Variants in ARIH2 observed in about 807,000 individuals in gnomAD.
ARIH2 encodes the protein ariadne RBR E3 ubiquitin protein ligase 2.
A neutral mutation model predicts 79.8 loss-of-function variants in ARIH2; 12 were observed. The observed-to-expected ratio is 0.15, with a 90% confidence interval of 0.10 to 0.24. The LOEUF is 0.24. Ranked by LOEUF, ARIH2 falls within the 10% of genes least tolerant of loss-of-function variation. The pLI is 1.00. For missense variants in ARIH2, 301 were observed against 618.3 expected, an observed-to-expected ratio of 0.49 and a Z score of 5.44; for synonymous variants, 224 against 213.9, an observed-to-expected ratio of 1.05 and a Z score of -0.41.
At chr3:48,949,322 G>A (rs2089651693) in intron 3 of ARIH2, among the ~76,000 whole-genome samples, 1 of 152,138 alleles carries the variant, frequency 6.6e-6, no homozygotes, top group African/African-American at 2.4e-5. Flanking sequence ...GTTTCACCGT[G>A]TTAGCCAGGA....
At chr3:48,927,955 C>A in intron 3 of ARIH2, 142 bp downstream of exon 3, 1 of 976,366 alleles carries the variant, frequency 1.0e-6, no homozygotes, top group South Asian at 1.7e-5. Context: ...ATCATTTGGA[C>A]ATTTTGTTAC....
At chr3:48,919,076 C>T in intron 1 of ARIH2, 78 bp downstream of exon 1, 4 of 1,277,626 alleles carry the variant, frequency 3.1e-6, no homozygotes, top group Non-Finnish European at 3.9e-6. Flanking sequence ...CCTCCCTGGC[C>T]GGGCCGGGAC....
rs989712598 is a variant in ARIH2, at chr3:48,984,433, A to G, written c.*1163A>G. 2.0e-5 allele frequency: 3 copies of G among 152,616 alleles called. No individual in the cohort carries two copies. The highest frequency in any genetic ancestry group is 7.2e-5 in the African/African-American group (3 of 41,434). The allele number at this position is 152,616 out of a possible 1,614,324, so 9.5% of individuals were successfully genotyped here. ...TGGTTCCAGCTGTCAGAGGGATACC[A>G]TCCTAGGGTCTGGGAATCCAAGGCC... On this transcript the variant is annotated 3_prime_UTR_variant, in exon 16 of 16. Transcript: ENST00000356401.
At chr3:48,977,348 A>C (rs981155973) in intron 11 of ARIH2, among the ~76,000 whole-genome samples, 6 of 151,756 alleles carry the variant, frequency 4.0e-5, no homozygotes, top group African/African-American at 1.5e-4. Flanking sequence ...ACCCAGGCTG[A>C]CAGGCTGAGT....
At chr3:48,957,929 A>G (rs1285888078) in intron 3 of ARIH2, among the ~76,000 whole-genome samples, 1 of 152,116 alleles carries the variant, frequency 6.6e-6, no homozygotes, top group Non-Finnish European at 1.5e-5. Context: ...TTAGCCAAAC[A>G]GGTCTTAATC....
chr3:48,932,496 C>T (rs1193567145), intron 3 of ARIH2, among the ~76,000 whole-genome samples: 1 of 152,116 alleles, frequency 6.6e-6, no homozygotes, highest in African/African-American at 2.4e-5. Context: ...TAACCATAAG[C>T]ATTTTTATTA....
In ARIH2 at chr3:48,981,673, T is replaced by C; in HGVS notation, c.1271T>C (p.Leu424Pro). ...CTCCTGTTGCAGTGTCGATACACCC[T>C]GCAATACACCTACCCATATGCATAT... ...AKLLAKCRYT[L>P]QYTYPYAYYM... Residue 424 changes from leucine to proline, a missense_variant, in exon 14 of 16, where the codon CTG becomes CCG. Leu to Pro is a moderately conservative substitution (Grantham distance 98). Coordinates refer to ENST00000356401, the MANE Select transcript of ARIH2 (RefSeq NM_006321.4). 1 of 1,613,798 alleles carries C rather than the reference T, an allele frequency of 6.2e-7. No homozygotes were observed. The highest frequency in any genetic ancestry group is 1.1e-5 in the South Asian group (1 of 91,070).
At chr3:48,966,052 A>G (rs1418542305) in intron 5 of ARIH2, among the ~76,000 whole-genome samples, 1 of 152,162 alleles carries the variant, frequency 6.6e-6, no homozygotes, top group Non-Finnish European at 1.5e-5. Context: ...AAACTTTTAC[A>G]TGTGTGTTAT....
rs376509645 is a variant in ARIH2 at position 48,929,316 on chromosome 3, C to T, written c.255+1503C>T. ...CAGCTGAGGGGCCCAAGCACCTGTC[C>T]GTCCGTCCGTCCGTCCTTCCTTCCT... On this transcript the variant is annotated intron_variant, in intron 3 of 15. Coordinates refer to ENST00000356401, the MANE Select transcript of ARIH2 (RefSeq NM_006321.4). Among the ~76,000 whole-genome samples the T allele has an allele frequency of 7.3e-5, 11 of 151,720 alleles. 1 individual carries two copies. In the South Asian group the frequency reaches 1.3e-3, roughly 17 times the overall value.
At chr3:48,941,969 T>C (rs1490726933) in intron 3 of ARIH2, among the ~76,000 whole-genome samples, 1 of 151,392 alleles carries the variant, frequency 6.6e-6, no homozygotes, top group Non-Finnish European at 1.5e-5. Context: ...CACTGCACCC[T>C]CCGCCCCCCG....
intron 7 of ARIH2, among the ~76,000 whole-genome samples, chr3:48,968,940 G>A (rs1330844248): frequency 6.6e-6 from 1 of 152,090 alleles, no homozygotes; most frequent in Admixed American, 6.5e-5. Flanking sequence ...CTGGAGTGCA[G>A]TGGCGCAATC....
intron 3 of ARIH2, 119 bp from the exon 4 acceptor site, chr3:48,961,493 A>G (rs1382100966): frequency 3.6e-6 from 2 of 557,336 alleles, no homozygotes; most frequent in African/African-American, 3.7e-5. Flanking sequence ...AAGAGGAGGA[A>G]TTTGGTAATC....
intron 4 of ARIH2, 138 bp from the exon 5 acceptor site, chr3:48,964,781 C>T: frequency 1.7e-6 from 1 of 589,740 alleles, no homozygotes; most frequent in Non-Finnish European, 2.9e-6. Flanking sequence ...AGTCTTTGTA[C>T]TGAGATAAAA....
At chr3:48,919,086 C>G in intron 1 of ARIH2, 88 bp downstream of exon 1, 1 of 1,274,846 alleles carries the variant, frequency 7.8e-7, no homozygotes, top group Non-Finnish European at 9.9e-7. Flanking sequence ...CGGGCCGGGA[C>G]TCCGCCTTCG....
intron 3 of ARIH2, among the ~76,000 whole-genome samples, chr3:48,940,808 A>AAATATATATAT (rs759369585): frequency 2.7e-4 from 26 of 98,034 alleles, no homozygotes; most frequent in Non-Finnish European, 3.1e-4. Flanking sequence ...AAAAAAAAAA[A>AAATATATATAT]ATATATATAT....
Position 48,985,099 on chromosome 3 carries a change from T to G in ARIH2, c.*1829T>G, listed in dbSNP as rs1163616351. The G allele has an allele frequency of 6.6e-6, 1 of 152,276 alleles. No homozygotes were observed. Among genetic ancestry groups the G allele is most frequent in the Non-Finnish European group, 1.5e-5 (1 of 68,068 alleles). The allele number at this position is 152,276 out of a possible 1,614,324, so 9.4% of individuals were successfully genotyped here. On this transcript the variant is annotated 3_prime_UTR_variant, in exon 16 of 16. Transcript: ENST00000356401. ...CACAGGGAATAAATATCCTGGCGTC[T>G]GGAGCCTTCACCTCTCCGTCAAGTC...
intron 3 of ARIH2, among the ~76,000 whole-genome samples, chr3:48,945,452 A>G (rs1235760150): frequency 6.6e-6 from 1 of 152,236 alleles, no homozygotes; most frequent in East Asian, 1.9e-4. Context: ...AGTAATAAAC[A>G]TGTACTATCC....
At chr3:48,976,653 A>T (rs962859109) in intron 11 of ARIH2, among the ~76,000 whole-genome samples, 6 of 152,140 alleles carry the variant, frequency 3.9e-5, no homozygotes, top group Non-Finnish European at 7.4e-5. Flanking sequence ...TTCTTTGTAT[A>T]TATCAGAGAG....
intron 3 of ARIH2, chr3:48,934,982 T>C: frequency 1.0e-6 from 1 of 981,344 alleles, no homozygotes; most frequent in Non-Finnish European, 1.2e-6. Context: ...TTTTTTGACA[T>C]TTATATTTTA....
Sources: gnomAD v4.1 joint callset for allele counts (sites outside exome capture counted in the v4.1 genomes callset) on GRCh38, gnomAD v4.1.1 for gene constraint, MANE v1.5 for transcripts, NCBI Gene and HGNC (gene_info 2026-07-23, HGNC 2026-07-21) for gene names.